The following ABCA4 variants were observed in gnomAD, a reference collection of about 807,000 sequenced individuals.
ABCA4 encodes the protein ATP binding cassette subfamily A member 4.
Under a neutral mutation model 263.7 loss-of-function variants are expected in ABCA4, and 196 were observed. The observed-to-expected ratio is 0.74, with a 90% CI of 0.66 to 0.84. The LOEUF (loss-of-function observed/expected upper bound fraction) is 0.84, where lower values mean the gene tolerates loss of function less well. Ranked by LOEUF, ABCA4 falls within the 40% of genes least tolerant of loss-of-function variation. ABCA4 has a pLI of 0.00. For synonymous variants in ABCA4, 1,133 were observed against 1,094.2 expected, an observed-to-expected ratio of 1.04 and a Z score of -0.70; for missense variants, 2,792 against 2,855.1, an observed-to-expected ratio of 0.98 and a Z score of 0.50.
At chr1:94,102,979 C>T in intron 5 of ABCA4, 36 bp downstream of exon 5, 1 of 1,613,982 alleles carries the variant, frequency 6.2e-7, no homozygotes, top group Non-Finnish European at 8.5e-7. Context: ...TGCTTCCCTC[C>T]CCTCCAGGGA....
At chr1:93,996,243 A>T (rs376169297) in intron 48 of ABCA4, 48 bp from the exon 49 acceptor site, 6 of 1,411,154 alleles carry the variant, frequency 4.3e-6, no homozygotes, top group Non-Finnish European at 6.0e-6. Context: ...CCAGGAAAAC[A>T]GCACCCTACA....
chr1:94,056,606 C>T lies in ABCA4; in HGVS notation c.2377G>A (p.Ala793Thr), dbSNP rs1375925632. 1.2e-6 allele frequency: 2 copies of T among 1,612,702 alleles called. No individual in the cohort carries two copies. Among genetic ancestry groups the T allele is most frequent in the African/African-American group, 2.7e-5 (2 of 75,020 alleles). The change falls in exon 15 of 50, where the codon GCT (alanine) becomes ACT (threonine). Residue 793 changes from alanine (A) to threonine (T), a missense_variant. Ala to Thr is a moderately conservative substitution (Grantham distance 58). Coordinates refer to ENST00000370225, the MANE Select transcript of ABCA4 (RefSeq NM_000350.3). ...QDRMTAELKK[A>T]VSLLSPVAFG... ...GGCCAGCCCAAGGGCCTCACCACAG[C>T]CTTCTTCAGCTCAGCGGTCATGCGG... is the stretch of plus-strand genomic sequence containing the variant.
chr1:94,104,540 G>C (rs1241066843), intron 4 of ABCA4, among the ~76,000 whole-genome samples: 1 of 152,178 alleles, frequency 6.6e-6, no homozygotes, highest in African/African-American at 2.4e-5. Context: ...GATTTATGTT[G>C]CAGCTAGTTT....
intron 28 of ABCA4, among the ~76,000 whole-genome samples, chr1:94,030,745 A>G (rs1660176388): frequency 6.6e-6 from 1 of 152,178 alleles, no homozygotes; most frequent in Non-Finnish European, 1.5e-5. Flanking sequence ...ATGGCGCTTC[A>G]ACCCATTCAC....
At chr1:94,081,407 G>A (rs1216149448) in intron 7 of ABCA4, among the ~76,000 whole-genome samples, 1 of 152,022 alleles carries the variant, frequency 6.6e-6, no homozygotes, top group Non-Finnish European at 1.5e-5. Context: ...GGGGATACTG[G>A]GGAGAAAAAG....
intron 4 of ABCA4, among the ~76,000 whole-genome samples, chr1:94,106,805 C>T (rs2101151719): frequency 6.6e-6 from 1 of 152,300 alleles, no homozygotes; most frequent in East Asian, 1.9e-4. Flanking sequence ...GGATCAGATT[C>T]TCCTCGGAGA....
At chr1:94,094,391 C>T (rs1445817425) in intron 6 of ABCA4, among the ~76,000 whole-genome samples, 6 of 152,130 alleles carry the variant, frequency 3.9e-5, no homozygotes, top group African/African-American at 1.4e-4. Context: ...TGGAACTCAA[C>T]GTCCAGCCAC....
rs553811044 is a variant in ABCA4, at chr1:94,016,255, C to T, written c.5197-401G>A. Among the ~76,000 whole-genome samples the T allele has an allele frequency of 5.3e-5, 8 of 152,260 alleles. No homozygotes were observed. In the South Asian group the frequency reaches 1.4e-3, roughly 28 times the overall value. ...TGATACCCTTTTTAAACAATTTAGTCCTACAGCCACTATACTGGGCACAGA... is the reference window on the plus strand; with the variant it reads ...TGATACCCTTTTTAAACAATTTAGTTCTACAGCCACTATACTGGGCACAGA... On this transcript the variant is annotated intron_variant, in intron 36 of 49. Transcript: ENST00000370225.
intron 6 of ABCA4, among the ~76,000 whole-genome samples, chr1:94,089,333 A>G (rs1295261102): frequency 2.6e-5 from 4 of 152,242 alleles, no homozygotes; most frequent in Non-Finnish European, 4.4e-5. Context: ...GGAATTTAAG[A>G]TTTTATGAAT....
At chr1:94,113,116 A>G (rs774924549) in intron 1 of ABCA4, 50 bp from the exon 2 acceptor site, 1 of 1,567,676 alleles carries the variant, frequency 6.4e-7, no homozygotes, top group Non-Finnish European at 8.8e-7. Context: ...CTAAGAGATT[A>G]TAGAAAACGT....
chr1:94,113,282 T>C (rs530193096), intron 1 of ABCA4, among the ~76,000 whole-genome samples: 1 of 152,312 alleles, frequency 6.6e-6, no homozygotes, highest in African/African-American at 2.4e-5. Context: ...TCCATCTGGG[T>C]TCCACTCTGC....
At position 94,029,651 on chromosome 1, in the gene ABCA4, T is replaced by C. The variant is rs745412302; in HGVS notation, c.4353-20A>G. ...TACTCCCTCATGGAAGACAAGAAAATATTCCATAATCAGCCTCAAAGTTGC... is the reference window on the plus strand; with the variant it reads ...TACTCCCTCATGGAAGACAAGAAAACATTCCATAATCAGCCTCAAAGTTGC... On this transcript the variant is annotated intron_variant, in intron 29 of 49. Transcript: ENST00000370225. 6.2e-7 allele frequency: 1 copy of C among 1,607,546 alleles called. No individual in the cohort carries two copies. Among genetic ancestry groups the C allele is most frequent in the Non-Finnish European group, 8.5e-7 (1 of 1,176,308 alleles).
intron 47 of ABCA4, 139 bp from the exon 48 acceptor site, chr1:93,998,249 G>C (rs1659067909): frequency 3.5e-6 from 4 of 1,145,100 alleles, no homozygotes; most frequent in Non-Finnish European, 5.1e-6. Flanking sequence ...CCAGCAATTT[G>C]GGAGGTAGAG....
intron 44 of ABCA4, among the ~76,000 whole-genome samples, chr1:94,002,379 T>C (rs1434964323): frequency 6.6e-6 from 1 of 152,198 alleles, no homozygotes; most frequent in Non-Finnish European, 1.5e-5. Context: ...TCAAGAGGGT[T>C]ACACCCAAAG....
At chr1:93,998,872 G>A (rs1261098822) in intron 47 of ABCA4, among the ~76,000 whole-genome samples, 1 of 151,042 alleles carries the variant, frequency 6.6e-6, no homozygotes, top group African/African-American at 2.4e-5. Flanking sequence ...CTGAGAGGCT[G>A]GAACTACAGG....
At chr1:94,007,805 G>T in intron 42 of ABCA4, 65 bp from the exon 43 acceptor site, 1 of 1,460,080 alleles carries the variant, frequency 6.8e-7, no homozygotes, top group Non-Finnish European at 9.6e-7. Context: ...TCAGGCCCCA[G>T]GGTAAGTGTG....
intron 22 of ABCA4, among the ~76,000 whole-genome samples, chr1:94,042,176 A>C (rs970191787): frequency 5.9e-5 from 9 of 152,160 alleles, no homozygotes; most frequent in African/African-American, 2.2e-4. Context: ...CCCTCAGAGA[A>C]AGGCACGGGG....
At position 94,016,588 on chromosome 1, in the gene ABCA4, G is replaced by A. The variant is rs78058795; in HGVS notation, c.5197-734C>T. On this transcript the variant is annotated intron_variant, in intron 36 of 49. Coordinates refer to ENST00000370225, the MANE Select transcript of ABCA4 (RefSeq NM_000350.3). ...CGGTAGATAAATGAGTTGGGAGTGA[G>A]AGAAGCCAGCGTCTCACTGTTGGAG... 2.1e-3 allele frequency among the ~76,000 whole-genome samples: 314 copies of A among 152,264 alleles called. 2 individuals carry two copies. Among genetic ancestry groups the A allele is most frequent in the African/African-American group, 6.9e-3 (285 of 41,536 alleles).
rs1435203678 is a variant in ABCA4 at position 94,019,690 on chromosome 1, G to A, written c.5088C>T (p.Ser1696=). The A allele has an allele frequency of 2.5e-6, 4 of 1,613,810 alleles. No individual in the cohort carries two copies. Among genetic ancestry groups the A allele is most frequent in the Non-Finnish European group, 3.4e-6 (4 of 1,179,886 alleles). The change falls in exon 36 of 50, where the codon AGC becomes AGT. Residue 1696 remains serine, a synonymous_variant. Coordinates refer to ENST00000370225, the MANE Select transcript of ABCA4 (RefSeq NM_000350.3). ...GCTCCTGGATCAAATAAAGGACAAA[G>A]CTGGCTGGGACGAAGGACATGGAGA... ...VIFSMSFVPA[S]FVLYLIQERV...
Sources: allele counts gnomAD v4.1 joint callset (sites outside exome capture counted in the v4.1 genomes callset), GRCh38; gene constraint gnomAD v4.1.1; transcripts MANE v1.5; gene names NCBI Gene and HGNC (gene_info 2026-07-23, HGNC 2026-07-21).